Variants in TTN observed in about 807,000 individuals in gnomAD.
The protein encoded by TTN is connectin.
TTN carries 1,525 observed loss-of-function variants against 3,223.0 expected under a neutral mutation model. The observed-to-expected ratio is 0.47, with a 90% CI of 0.45 to 0.49. The LOEUF is 0.49. Ranked by LOEUF, TTN falls within the 20% of genes least tolerant of loss-of-function variation. The pLI is 0.00. For missense variants in TTN, 40,786 were observed against 43,424.0 expected, an observed-to-expected ratio of 0.94 and a Z score of 5.40; for synonymous variants, 14,094 against 15,161.0, an observed-to-expected ratio of 0.93 and a Z score of 5.17.
chr2:178,607,909 G>A lies in TTN; in HGVS notation c.52878C>T (p.Val17626=), dbSNP rs775005179. ...GGATTTCTTTGACGGTGTACTGACGGACCTTGATCATCTTCTCTGTGCAGC... is the reference window on the plus strand; with the variant it reads ...GGATTTCTTTGACGGTGTACTGACGAACCTTGATCATCTTCTCTGTGCAGC... ...WSRCTEKMIK[V]RQYTVKEIRE... The change falls in exon 276 of 363, where the codon GTC becomes GTT. Residue 17626 remains valine (V), a synonymous_variant. Transcript: ENST00000589042. 31 of 1,612,894 alleles carry A rather than the reference G, an allele frequency of 1.9e-5. No homozygotes were observed. The highest frequency in any genetic ancestry group is 2.4e-5 in the Non-Finnish European group (28 of 1,179,334).
rs368759398 is a variant in TTN at position 178,570,163 on chromosome 2, A to G, written c.75969T>C (p.Val25323=). ...CATCAGATGCTGGTCTTTCCCATACAACAATCATTGAGTCCTTGGTCACTG... is the reference window on the plus strand; with the variant it reads ...CATCAGATGCTGGTCTTTCCCATACGACAATCATTGAGTCCTTGGTCACTG... ...VTTVTKDSMI[V]VWERPASDGG... The change falls in exon 326 of 363, where the codon GTT becomes GTC. Residue 25323 remains valine (V), a synonymous_variant. Coordinates refer to ENST00000589042, the MANE Select transcript of TTN (RefSeq NM_001267550.2). The G allele has an allele frequency of 1.3e-4, 209 of 1,613,364 alleles. No individual in the cohort carries two copies. Among genetic ancestry groups the G allele is most frequent in the Non-Finnish European group, 1.7e-4 (202 of 1,179,636 alleles).
Position 178,553,615 on chromosome 2 carries a change from A to G in TTN, c.89390T>C (p.Val29797Ala). ...KGEVRTTEYV[V>A]SNLKPGVNYY... is the part of the protein sequence containing the mutation. ...ATTGACTCCAGGTTTCAGGTTGGAT[A>G]CCACATATTCTGTAGTTCTGACCTC... is the stretch of plus-strand genomic sequence containing the variant. Residue 29797 changes from valine to alanine, a missense_variant, in exon 334 of 363, where the codon GTA (valine) becomes GCA (alanine). Transcript: ENST00000589042. 1 of 1,613,898 alleles carries G rather than the reference A, an allele frequency of 6.2e-7. No individual in the cohort carries two copies. The highest frequency in any genetic ancestry group is 1.7e-5 in the Admixed American group (1 of 60,016).
In TTN at chr2:178,576,822, C is replaced by G; in HGVS notation, c.69422G>C (p.Gly23141Ala). 6.2e-7 allele frequency: 1 copy of G among 1,606,716 alleles called. No homozygotes were observed. The highest frequency in any genetic ancestry group is 1.1e-5 in the South Asian group (1 of 89,046). Residue 23141 changes from glycine to alanine, a missense_variant, in exon 325 of 363, where the codon GGC (glycine) becomes GCC (alanine). By Grantham distance (60) the Gly-to-Ala change is moderately conservative (BLOSUM62 0). Coordinates refer to ENST00000589042, the MANE Select transcript of TTN (RefSeq NM_001267550.2). The surrounding 1 kb of genome is among the most constrained non-coding windows in gnomAD (Gnocchi z 4.3). ...TGATACCTCTGGTTTTTCAGGAGGG[C>G]CAGGGGGACCTGAAAAGGAAGCAAA... ...VKMVDRFGPP[G>A]PPEKPEVSNV...
chr2:178,634,255 A>G lies in TTN; in HGVS notation c.42415+111T>C, dbSNP rs1425620899. ...GGGGGGTTGTTTTGGTAACACTGTGAAAGTTAATTAGTGATGCATTATCAC... is the reference window on the plus strand; with the variant it reads ...GGGGGGTTGTTTTGGTAACACTGTGGAAGTTAATTAGTGATGCATTATCAC... On this transcript the variant is annotated intron_variant, in intron 230 of 362. Coordinates refer to ENST00000589042, the MANE Select transcript of TTN (RefSeq NM_001267550.2). The surrounding 1 kb of genome is among the most constrained non-coding windows in gnomAD (Gnocchi z 4.6). The G allele has an allele frequency of 5.3e-6, 8 of 1,496,206 alleles. No individual in the cohort carries two copies. Among genetic ancestry groups the G allele is most frequent in the South Asian group, 1.3e-5 (1 of 76,296 alleles). 92.7% of individuals were successfully genotyped at this position (1,496,206 alleles called of 1,614,324 possible). A position where few individuals can be genotyped will look rare whatever the true frequency, so the allele number is the denominator to read the frequency against.
In TTN at chr2:178,576,445, T is replaced by A; in HGVS notation, c.69716-29A>T. 3.2e-6 allele frequency: 5 copies of A among 1,585,694 alleles called. No individual in the cohort carries two copies. Among genetic ancestry groups the A allele is most frequent in the Non-Finnish European group, 4.3e-6 (5 of 1,172,648 alleles). Reference sequence around the variant, plus strand: ...AGAAAGAAACAAAGACACAAAAGTATATATTCAGAGTTTGGCTTTTGGGTA... The same window carrying A: ...AGAAAGAAACAAAGACACAAAAGTAAATATTCAGAGTTTGGCTTTTGGGTA... On this transcript the variant is annotated intron_variant, in intron 325 of 362. Transcript: ENST00000589042. The surrounding 1 kb of genome is among the most constrained non-coding windows in gnomAD (Gnocchi z 4.3).
At chr2:178,725,186 G>A (rs550007840) in intron 71 of TTN, 182 bp downstream of exon 71, 9 of 607,286 alleles carry the variant, frequency 1.5e-5, no homozygotes, top group South Asian at 1.3e-4. Flanking sequence ...TCTAATTTTT[G>A]TTAGAATCAC....
At chr2:178,762,903 G>C (rs77740009) in intron 43 of TTN, among the ~76,000 whole-genome samples, 2 of 152,084 alleles carry the variant, frequency 1.3e-5, no homozygotes, top group East Asian at 3.8e-4. Flanking sequence ...TTTTAATTAT[G>C]CTCATAAAAT....
Position 178,616,735 on chromosome 2 carries a change from C to T in TTN, c.48154G>A (p.Val16052Ile), listed in dbSNP as rs768343058. The T allele has an allele frequency of 1.2e-6, 2 of 1,612,536 alleles. No homozygotes were observed. Among genetic ancestry groups the T allele is most frequent in the Non-Finnish European group, 1.7e-6 (2 of 1,179,142 alleles). The change falls in exon 256 of 363, where the codon GTA becomes ATA. Residue 16052 changes from valine (V) to isoleucine (I), a missense_variant. Val to Ile is a conservative substitution (Grantham distance 29). Coordinates refer to ENST00000589042, the MANE Select transcript of TTN (RefSeq NM_001267550.2). ...KTISGEIDVNVIARPSAPKEL... is the reference protein window; with the variant it reads ...KTISGEIDVNIIARPSAPKEL... ...TAAATGTTTTGTTCCTTACCAATTA[C>T]ATTGACATCAATTTCCCCAGAAATT...
In TTN at chr2:178,601,291, T is replaced by G; in HGVS notation, c.55706A>C (p.Gln18569Pro). Residue 18569 changes from glutamine to proline, a missense_variant, in exon 287 of 363, where the codon CAG (glutamine) becomes CCG (proline). Transcript: ENST00000589042. ...TATCGGATCTCTGGCAGTGGTCCTC[T>G]GAATGGTTTCCACAGGTGGGCCAAT... is the stretch of plus-strand genomic sequence containing the variant. ...FGIGPPVETI[Q>P]RTTARDPIYP... The G allele has an allele frequency of 6.3e-7, 1 of 1,577,882 alleles. No individual in the cohort carries two copies. Among genetic ancestry groups the G allele is most frequent in the Non-Finnish European group, 8.6e-7 (1 of 1,163,416 alleles).
chr2:178,709,539 C>T (rs1461798059), intron 99 of TTN, 27 bp downstream of exon 99: 1 of 1,577,290 alleles, frequency 6.3e-7, no homozygotes, highest in African/African-American at 1.4e-5. Context: ...AAAAACACAA[C>T]AGGTTGGGGC....
rs397517795 is a variant in TTN, at chr2:178,531,355, G to C, written c.105260C>G (p.Thr35087Arg). ...TGAGGAGAGACTTTCCCTTGTCTCC[G>C]TCATCTGTGATTTCACTTCCCTGAC... ...SSVREVKSQM[T>R]ETRESLSSYE... The change falls in exon 358 of 363, where the codon ACG becomes AGG. Residue 35087 changes from threonine (T) to arginine (R), a missense_variant. By Grantham distance (71) the Thr-to-Arg change is moderately conservative. Transcript: ENST00000589042. 1 of 1,613,980 alleles carries C rather than the reference G, an allele frequency of 6.2e-7. No homozygotes were observed. Among genetic ancestry groups the C allele is most frequent in the Admixed American group, 1.7e-5 (1 of 60,010 alleles).
chr2:178,799,955 C>T (rs2093978143), intron 4 of TTN, 45 bp from the exon 5 acceptor site: 1 of 1,588,448 alleles, frequency 6.3e-7, no homozygotes, highest in Non-Finnish European at 8.6e-7. Flanking sequence ...GCACAATGAC[C>T]CATTTTAAAA....
intron 34 of TTN, 144 bp from the exon 35 acceptor site, chr2:178,770,819 A>C: frequency 9.3e-7 from 1 of 1,070,022 alleles, no homozygotes. Flanking sequence ...TGTTTTAAAA[A>C]ACACCTGAGA....
Position 178,689,094 on chromosome 2 carries a change from G to A in TTN, c.32054C>T (p.Ala10685Val), listed in dbSNP as rs794729407. 7.5e-6 allele frequency: 12 copies of A among 1,608,264 alleles called. No individual in the cohort carries two copies. Among genetic ancestry groups the A allele is most frequent in the African/African-American group, 6.8e-5 (5 of 73,216 alleles). The change falls in exon 125 of 363, where the codon GCA (alanine) becomes GTA (valine). Residue 10685 changes from alanine (A) to valine (V), a missense_variant. Ala to Val is a moderately conservative substitution (Grantham distance 64, BLOSUM62 0). Coordinates refer to ENST00000589042, the MANE Select transcript of TTN (RefSeq NM_001267550.2). Reference protein sequence around the residue: ...PKKPVPEEKVAVPVPVAKKAP... With the variant: ...PKKPVPEEKVVVPVPVAKKAP... ...TTTCTTAGCGACAGGAACTGGCACTGCAACTTTCTCCTCTGGGACGGGTTT... is the reference window on the plus strand; with the variant it reads ...TTTCTTAGCGACAGGAACTGGCACTACAACTTTCTCCTCTGGGACGGGTTT...
chr2:178,539,927 C>A lies in TTN; in HGVS notation c.98138G>T (p.Gly32713Val). ...GACGCCACCTTGCCTTACAAAGATA[C>A]CTTCTTGGTATCTTTCATCAAGTTC... The part of the protein sequence containing the change: ...DYELDERYQE[G>V]IFVRQGGVIR... Residue 32713 changes from glycine (G) to valine (V), a missense_variant, in exon 352 of 363, where the codon GGT (glycine) becomes GTT (valine). Physicochemically the swap from Gly to Val is moderately radical, Grantham distance 109. Coordinates refer to ENST00000589042, the MANE Select transcript of TTN (RefSeq NM_001267550.2). 6.2e-7 allele frequency: 1 copy of A among 1,613,630 alleles called. No homozygotes were observed. The highest frequency in any genetic ancestry group is 8.5e-7 in the Non-Finnish European group (1 of 1,179,714).
intron 52 of TTN, 108 bp downstream of exon 52, chr2:178,734,220 C>A: frequency 7.3e-7 from 1 of 1,366,502 alleles, no homozygotes; most frequent in Non-Finnish European, 9.7e-7. Context: ...CAAGACAAAA[C>A]AAATTTAAAG....
chr2:178,789,547 C>T (rs2093377301), intron 12 of TTN, 50 bp from the exon 13 acceptor site: 1 of 1,609,816 alleles, frequency 6.2e-7, no homozygotes, highest in Non-Finnish European at 8.5e-7. Flanking sequence ...GCTTCAAACA[C>T]ACATAGTATG....
rs1200170296 is a variant in TTN, at chr2:178,563,796, C to T, written c.82336G>A (p.Ala27446Thr). 1.9e-6 allele frequency: 3 copies of T among 1,613,548 alleles called. No homozygotes were observed. The highest frequency in any genetic ancestry group is 2.5e-6 in the Non-Finnish European group (3 of 1,179,746). ...TCTCCAATTCCATATTTATTCACAG[C>T]CATGACACGGAAAATGTACTCATTA... ...PGNEYIFRVM[A>T]VNKYGIGEPL... The change falls in exon 326 of 363, where the codon GCT becomes ACT. Residue 27446 changes from alanine to threonine, a missense_variant. Coordinates refer to ENST00000589042, the MANE Select transcript of TTN (RefSeq NM_001267550.2). This position sits in a 1 kb window ranked among gnomAD's most constrained non-coding sequence, Gnocchi z 4.5.
intron 304 of TTN, 31 bp downstream of exon 304, chr2:178,588,507 T>C: frequency 6.6e-7 from 1 of 1,504,400 alleles, no homozygotes; most frequent in Non-Finnish European, 8.9e-7. Context: ...TAAGAGTTGC[T>C]GTAATATCAG....
Sources: allele counts gnomAD v4.1 joint callset (sites outside exome capture counted in the v4.1 genomes callset), GRCh38; gene constraint gnomAD v4.1.1; non-coding constraint Gnocchi (gnomAD v3.1); transcripts MANE v1.5; gene names NCBI Gene and HGNC (gene_info 2026-07-23, HGNC 2026-07-21).